The following DNAH12 variants were observed in gnomAD, a reference collection of about 807,000 sequenced individuals.
The protein encoded by DNAH12 is dynein axonemal heavy chain 12, also known as axonemal beta dynein heavy chain 12.
In DNAH12, 285 loss-of-function variants were observed where a neutral mutation model predicts 371.5. That is an observed-to-expected ratio of 0.77 (90% CI 0.70 to 0.85). DNAH12 has a LOEUF of 0.85. DNAH12 is among the 40% of genes least tolerant of loss of function. The pLI, the probability that DNAH12 is intolerant of heterozygous loss-of-function variation, is 0.00. For missense variants in DNAH12, 3,611 were observed against 3,689.4 expected (o/e 0.98, Z 0.55); for synonymous variants, 1,200 against 1,213.0 (o/e 0.99, Z 0.22).
At chr3:57,527,862 G>C (rs941890176) in intron 2 of DNAH12, among the ~76,000 whole-genome samples, 1 of 152,062 alleles carries the variant, frequency 6.6e-6, no homozygotes, top group Admixed American at 6.6e-5. Context: ...CCTTTGCTGT[G>C]AGGAAGCTTT....
rs1559678049 is a variant in DNAH12, at chr3:57,453,382, C to T, written c.3478G>A (p.Glu1160Lys). The change falls in exon 24 of 74, where the codon GAA becomes AAA. Residue 1160 changes from glutamate (E) to lysine (K), a missense_variant. Physicochemically the swap from Glu to Lys is moderately conservative, Grantham distance 56. This residue lies in a region of DNAH12 where 1,314 missense variants were observed against 1,398.7 expected (regional missense o/e 0.94). Coordinates refer to ENST00000495027, the MANE Select transcript of DNAH12 (RefSeq NM_001366028.2). ...GTEGLKKYYK[E>K]LQNQLNEIVE... ...ATCTCATTCAGTTGGTTCTGAAGTT[C>T]CTTATAATACTTCTTTAATCCCTAC... 4 of 1,543,440 alleles carry T rather than the reference C, an allele frequency of 2.6e-6. No individual in the cohort carries two copies. Among genetic ancestry groups the T allele is most frequent in the Non-Finnish European group, 2.6e-6 (3 of 1,144,564 alleles).
chr3:57,398,340 A>G (rs928719789), intron 43 of DNAH12, among the ~76,000 whole-genome samples: 85,108 of 151,188 alleles, frequency 0.56, 24,080 homozygotes, highest in East Asian at 0.61. Flanking sequence ...ATCCCAGAAT[A>G]TGAGAGAGAG....
At position 57,401,645 on chromosome 3, in the gene DNAH12, A is replaced by T. The variant is rs564367717; in HGVS notation, c.6948+1664T>A. Among the ~76,000 whole-genome samples, 18 of 151,960 alleles carry T rather than the reference A, an allele frequency of 1.2e-4. No homozygotes were observed. The South Asian group carries it at 2.5e-3, about 21-fold the overall frequency. ...TAACTAGACACCTCAAGGAACTAGAAAAAGAAGACTAAACCAAACCCAAAG... is the reference window on the plus strand; with the variant it reads ...TAACTAGACACCTCAAGGAACTAGATAAAGAAGACTAAACCAAACCCAAAG... On this transcript the variant is annotated intron_variant, in intron 43 of 73. Coordinates refer to ENST00000495027, the MANE Select transcript of DNAH12 (RefSeq NM_001366028.2).
At chr3:57,513,116 A>C (rs947120521) in intron 4 of DNAH12, among the ~76,000 whole-genome samples, 1 of 151,808 alleles carries the variant, frequency 6.6e-6, no homozygotes, top group Non-Finnish European at 1.5e-5. Context: ...CCAGCCTGGC[A>C]ACAGAGTGAG....
At chr3:57,310,657 A>C in intron 67 of DNAH12, 60 bp downstream of exon 67, 1 of 1,160,372 alleles carries the variant, frequency 8.6e-7, no homozygotes. Flanking sequence ...AGAACATTTC[A>C]CCATTTGCTG....
chr3:57,518,791 T>C (rs1365334594), intron 4 of DNAH12, among the ~76,000 whole-genome samples: 1 of 152,166 alleles, frequency 6.6e-6, no homozygotes, highest in African/African-American at 2.4e-5. Flanking sequence ...AGGAGTCTTA[T>C]GGAGGAAGCT....
intron 39 of DNAH12, among the ~76,000 whole-genome samples, chr3:57,410,185 T>A (rs565686130): frequency 6.6e-6 from 1 of 152,312 alleles, no homozygotes. Flanking sequence ...TTTTTTACAA[T>A]CTGAAAAAGT....
At chr3:57,297,006 CATT>C (rs1175042494) in intron 70 of DNAH12, 22 bp from the exon 71 acceptor site, 3 of 1,549,528 alleles carry the variant, frequency 1.9e-6, no homozygotes, top group Non-Finnish European at 2.6e-6. Context: ...AAACAAAACA[CATT>C]ATGTCAGTTT....
chr3:57,499,014 A>AACAAACAC (rs57477935), intron 11 of DNAH12, among the ~76,000 whole-genome samples: 16,137 of 151,582 alleles, frequency 0.11, 1,008 homozygotes, highest in South Asian at 0.15. Flanking sequence ...CAAAAACAAA[A>AACAAACAC]ACACACACAC....
intron 25 of DNAH12, among the ~76,000 whole-genome samples, chr3:57,449,299 C>G (rs1037032618): frequency 1.3e-5 from 2 of 152,224 alleles, no homozygotes; most frequent in Non-Finnish European, 2.9e-5. Context: ...GGATCCCACA[C>G]CCGGGCTGCA....
chr3:57,481,311 C>A (rs2066734697), intron 13 of DNAH12, among the ~76,000 whole-genome samples: 2 of 152,128 alleles, frequency 1.3e-5, no homozygotes, highest in Non-Finnish European at 2.9e-5. Flanking sequence ...GAGTGAACTC[C>A]CATTCACAAT....
At chr3:57,415,714 G>C in intron 37 of DNAH12, 150 bp from the exon 38 acceptor site, 1 of 709,304 alleles carries the variant, frequency 1.4e-6, no homozygotes, top group Non-Finnish European at 2.1e-6. Context: ...ATGAAAGACA[G>C]ATAAAAGTAA....
At chr3:57,343,850 G>A (rs1169960954) in intron 60 of DNAH12, among the ~76,000 whole-genome samples, 1 of 152,188 alleles carries the variant, frequency 6.6e-6, no homozygotes, top group Admixed American at 6.5e-5. Context: ...TTACTCTGCT[G>A]AGACGTTTGG....
At chr3:57,437,407 T>A (rs999401696) in intron 29 of DNAH12, among the ~76,000 whole-genome samples, 2 of 152,116 alleles carry the variant, frequency 1.3e-5, no homozygotes, top group African/African-American at 4.8e-5. Flanking sequence ...TAACCAGAAA[T>A]AAACAAATAA....
chr3:57,460,936 T>G (rs1276466043), intron 19 of DNAH12, among the ~76,000 whole-genome samples: 1 of 152,192 alleles, frequency 6.6e-6, no homozygotes, highest in Non-Finnish European at 1.5e-5. Flanking sequence ...GAAACATAGT[T>G]TCAAATCAAT....
chr3:57,499,304 G>A (rs1176652815), intron 11 of DNAH12, among the ~76,000 whole-genome samples: 1 of 151,940 alleles, frequency 6.6e-6, no homozygotes, highest in Non-Finnish European at 1.5e-5. Context: ...TTACGTAAGT[G>A]TACACATTTG....
chr3:57,549,952 ATC>A, the DNAH12 span, among the ~76,000 whole-genome samples: 1 of 151,908 alleles, frequency 6.6e-6, no homozygotes, highest in African/African-American at 2.4e-5. Flanking sequence ...CCACCAGAAA[ATC>A]ATGTTCAAAT....
Position 57,459,703 on chromosome 3 carries a change from G to T in DNAH12, c.2820C>A (p.Pro940=). The stretch of plus-strand genomic sequence containing the variant: ...GCATGATATCCTCAGAACAAAAGAT[G>T]GGCTCTAAGTACAGCCATTGAGCTT... ...KVQAQWLYLE[P]IFCSEDIMQQ... The change falls in exon 20 of 74, where the codon CCC becomes CCA. Residue 940 remains proline, a synonymous_variant. Coordinates refer to ENST00000495027, the MANE Select transcript of DNAH12 (RefSeq NM_001366028.2). 6.5e-7 allele frequency: 1 copy of T among 1,548,980 alleles called. No individual in the cohort carries two copies. Among genetic ancestry groups the T allele is most frequent in the South Asian group, 1.2e-5 (1 of 83,710 alleles).
chr3:57,353,698 C>A (rs2062735821), intron 59 of DNAH12, among the ~76,000 whole-genome samples: 1 of 151,920 alleles, frequency 6.6e-6, no homozygotes, highest in South Asian at 2.1e-4. Flanking sequence ...AACTAACAAC[C>A]CCATTAAAAA....
Sources: allele counts gnomAD v4.1 joint callset (sites outside exome capture counted in the v4.1 genomes callset), GRCh38; gene constraint gnomAD v4.1.1; regional missense constraint gnomAD v4.1.1; transcripts MANE v1.5; gene names NCBI Gene and HGNC (gene_info 2026-07-23, HGNC 2026-07-21).